DOCK3: variants seen among roughly 807,000 people sequenced by gnomAD.
The protein encoded by DOCK3 is dedicator of cytokinesis 3.
DOCK3 carries 60 observed loss-of-function variants against 265.6 expected under a neutral mutation model. That is an observed-to-expected ratio of 0.23 (90% CI 0.18 to 0.28). The LOEUF (loss-of-function observed/expected upper bound fraction) is 0.28, where lower values mean the gene tolerates loss of function less well. Among genes scored for constraint, DOCK3 ranks in the 10% least tolerant of loss-of-function variants. The pLI, the probability that DOCK3 is intolerant of heterozygous loss-of-function variation, is 1.00. For synonymous variants in DOCK3, 881 were observed against 938.0 expected (o/e 0.94, Z 1.11); for missense variants, 1,981 against 2,594.3 (o/e 0.76, Z 5.14).
chr3:50,693,648 G>A (rs993017479), intron 1 of DOCK3, among the ~76,000 whole-genome samples: 3 of 145,854 alleles, frequency 2.1e-5, no homozygotes, highest in Non-Finnish European at 4.5e-5. Flanking sequence ...CCATTCTCAT[G>A]CCTCAGCCTC....
At chr3:50,928,115 A>C (rs1178393936) in intron 4 of DOCK3, among the ~76,000 whole-genome samples, 1 of 121,680 alleles carries the variant, frequency 8.2e-6, no homozygotes, top group Non-Finnish European at 1.6e-5. Flanking sequence ...TTTTTGTGTG[A>C]TTTTATTGTG....
intron 9 of DOCK3, among the ~76,000 whole-genome samples, chr3:51,102,535 A>G (rs1235415006): frequency 6.6e-6 from 1 of 152,206 alleles, no homozygotes; most frequent in Admixed American, 6.5e-5. Flanking sequence ...ATGAGAGAGA[A>G]TGGAAAATTG....
At chr3:51,264,842 A>T (rs1576590013) in intron 23 of DOCK3, among the ~76,000 whole-genome samples, 1 of 150,912 alleles carries the variant, frequency 6.6e-6, no homozygotes, top group East Asian at 1.9e-4. Flanking sequence ...ATAAATAAAT[A>T]AATAAATAAA....
intron 5 of DOCK3, among the ~76,000 whole-genome samples, chr3:51,049,456 A>G (rs765558856): frequency 1.3e-4 from 20 of 152,162 alleles, no homozygotes; most frequent in South Asian, 6.2e-4. Flanking sequence ...AGGAGGCATT[A>G]TGCTGGTTCC....
intron 1 of DOCK3, among the ~76,000 whole-genome samples, chr3:50,776,178 C>G (rs2041585972): frequency 6.6e-6 from 1 of 152,058 alleles, no homozygotes. Context: ...TTTTCTGTAA[C>G]TGTTGTACTA....
chr3:51,042,464 CACATACTGAATGGGCACCA>C lies in DOCK3; in HGVS notation c.316-21983_316-21965del, dbSNP rs1382816073. On this transcript the variant is annotated intron_variant, in intron 5 of 52. Transcript: ENST00000266037. ...TAATAAGACCTATATATGACAAACC[CACATACTGAATGGGCACCA>C]TCATACTGAATGGGCAAAAGCTGGA... 2.0e-5 allele frequency among the ~76,000 whole-genome samples: 3 copies of C among 152,176 alleles called. No homozygotes were observed. In the East Asian group the frequency reaches 5.8e-4, roughly 29 times the overall value.
intron 9 of DOCK3, among the ~76,000 whole-genome samples, chr3:51,127,741 T>C (rs1395357207): frequency 6.6e-6 from 1 of 152,232 alleles, no homozygotes; most frequent in East Asian, 1.9e-4. Context: ...CCATTCTGTA[T>C]TCCCTTTGCC....
intron 2 of DOCK3, among the ~76,000 whole-genome samples, chr3:50,808,687 C>T (rs2043569090): frequency 1.3e-5 from 2 of 152,224 alleles, no homozygotes; most frequent in African/African-American, 2.4e-5. Context: ...AAGCCATTCT[C>T]TTTCCCACAG....
intron 3 of DOCK3, among the ~76,000 whole-genome samples, chr3:50,884,042 C>T (rs983309766): frequency 6.0e-5 from 9 of 151,212 alleles, no homozygotes; most frequent in African/African-American, 1.2e-4. Flanking sequence ...CATTCATGTA[C>T]GTTCCTTTTT....
At chr3:50,861,056 A>T (rs1451622904) in intron 3 of DOCK3, among the ~76,000 whole-genome samples, 2 of 152,092 alleles carry the variant, frequency 1.3e-5, no homozygotes, top group African/African-American at 4.8e-5. Flanking sequence ...GTTTAGTGGG[A>T]TCTCCTGATC....
chr3:51,136,668 G>A (rs1330804321), intron 9 of DOCK3, among the ~76,000 whole-genome samples: 1 of 152,082 alleles, frequency 6.6e-6, no homozygotes, highest in East Asian at 1.9e-4. Context: ...ATTTAGCTCG[G>A]TTTCTGCAAA....
At position 50,897,101 on chromosome 3, in the gene DOCK3, T is replaced by C. The variant is rs190723278; in HGVS notation, c.218+7020T>C. ...AGTATGGCCATTTTCATGATACTGA[T>C]TCTTCCTATCCATGAGCATGGAATA... is the stretch of plus-strand genomic sequence containing the variant. On this transcript the variant is annotated intron_variant, in intron 4 of 52. Coordinates refer to ENST00000266037, the MANE Select transcript of DOCK3 (RefSeq NM_004947.5). Among the ~76,000 whole-genome samples, 286 of 152,316 alleles carry C rather than the reference T, an allele frequency of 1.9e-3. 2 individuals carry two copies. The highest frequency in any genetic ancestry group is 6.5e-3 in the African/African-American group (271 of 41,570).
chr3:51,364,317 C>T (rs1024118457), intron 49 of DOCK3, among the ~76,000 whole-genome samples: 1 of 152,172 alleles, frequency 6.6e-6, no homozygotes, highest in African/African-American at 2.4e-5. Context: ...ATCCTTTGCC[C>T]ACTTTTTGAT....
chr3:51,379,401 T>G, intron 51 of DOCK3: 2 of 985,388 alleles, frequency 2.0e-6, no homozygotes, highest in South Asian at 9.4e-5. Flanking sequence ...TCCCAGAGGG[T>G]GGCTCAAGAA....
At chr3:50,834,270 A>G (rs1241040900) in intron 2 of DOCK3, among the ~76,000 whole-genome samples, 1 of 152,082 alleles carries the variant, frequency 6.6e-6, no homozygotes, top group African/African-American at 2.4e-5. Context: ...ATTGTTTTTG[A>G]AGAGGATCTA....
chr3:50,924,402 G>C (rs1239992444), intron 4 of DOCK3, among the ~76,000 whole-genome samples: 1 of 152,214 alleles, frequency 6.6e-6, no homozygotes. Flanking sequence ...TCTGGATGAT[G>C]AAGTAATTAG....
intron 1 of DOCK3, among the ~76,000 whole-genome samples, chr3:50,717,325 A>G (rs561862949): frequency 6.6e-6 from 1 of 152,224 alleles, no homozygotes; most frequent in East Asian, 1.9e-4. Context: ...GTGGTGGTTT[A>G]AAGTTTTTTT....
intron 5 of DOCK3, among the ~76,000 whole-genome samples, chr3:51,021,261 A>T (rs571126982): frequency 1.3e-4 from 19 of 150,010 alleles, no homozygotes; most frequent in Admixed American, 6.6e-5. Context: ...CCATGAGAAG[A>T]TCAACCCCAA....
At chr3:51,165,936 TAAAG>T (rs1290113272) in intron 12 of DOCK3, among the ~76,000 whole-genome samples, 2 of 151,164 alleles carry the variant, frequency 1.3e-5, no homozygotes, top group Non-Finnish European at 1.5e-5. Context: ...AGATGAATAA[TAAAG>T]AAAATATATA....
Sources: gnomAD v4.1 joint callset for allele counts (sites outside exome capture counted in the v4.1 genomes callset) on GRCh38, gnomAD v4.1.1 for gene constraint, MANE v1.5 for transcripts, NCBI Gene and HGNC (gene_info 2026-07-23, HGNC 2026-07-21) for gene names.